KIAA1217: variants seen among roughly 807,000 people sequenced by gnomAD.
The protein encoded by KIAA1217 is sickle tail protein homolog.
A neutral mutation model predicts 163.9 loss-of-function variants in KIAA1217; 88 were observed. The observed-to-expected ratio is 0.54, with a 90% CI of 0.45 to 0.64. KIAA1217 has a LOEUF of 0.64. Among genes scored for constraint, KIAA1217 ranks in the 30% least tolerant of loss-of-function variants. The probability of loss-of-function intolerance (pLI) is 0.00; values close to 1 mark genes in which losing one functional copy is unlikely to be tolerated. For synonymous variants in KIAA1217, 903 were observed against 923.1 expected (o/e 0.98, Z 0.39); for missense variants, 2,372 against 2,475.0 (o/e 0.96, Z 0.88).
At position 24,546,484 on chromosome 10, in the gene KIAA1217, G is replaced by C. The variant is rs1294246809; in HGVS notation, c.*160G>C. On this transcript the variant is annotated 3_prime_UTR_variant, in exon 21 of 21. Transcript: ENST00000376454. ...GGATTAATAGATTTCAGTAAAGCTC[G>C]TTCGTTTTGTTTGGTTTTCTTTTTA... The C allele has an allele frequency of 6.1e-6, 5 of 817,476 alleles. No individual in the cohort carries two copies. Among genetic ancestry groups the C allele is most frequent in the Non-Finnish European group, 9.2e-6 (5 of 540,676 alleles). The allele number at this position is 817,476 out of a possible 1,614,324, so 50.6% of individuals were successfully genotyped here. A position where few individuals can be genotyped will look rare whatever the true frequency, so the allele number is the denominator to read the frequency against.
At chr10:23,708,013 G>A (rs1837000185) in intron 1 of KIAA1217, among the ~76,000 whole-genome samples, 1 of 152,158 alleles carries the variant, frequency 6.6e-6, no homozygotes, top group South Asian at 2.1e-4. Context: ...ACATACCTGA[G>A]ACTGGATAAT....
chr10:23,726,924 T>G (rs561185663), intron 1 of KIAA1217, among the ~76,000 whole-genome samples: 1 of 151,834 alleles, frequency 6.6e-6, no homozygotes, highest in African/African-American at 2.4e-5. Flanking sequence ...AATACTGCTA[T>G]GATAATTTTA....
At chr10:23,704,827 G>T (rs1371389387) in intron 1 of KIAA1217, among the ~76,000 whole-genome samples, 2 of 152,228 alleles carry the variant, frequency 1.3e-5, no homozygotes, top group Admixed American at 1.3e-4. Context: ...ACCCCTAGTA[G>T]TGGAGTTATT....
intron 1 of KIAA1217, among the ~76,000 whole-genome samples, chr10:23,855,387 G>T (rs1320281965): frequency 6.6e-6 from 1 of 152,186 alleles, no homozygotes; most frequent in African/African-American, 2.4e-5. Flanking sequence ...GAGATCCGCT[G>T]TTAGTCTGAT....
Position 24,433,305 on chromosome 10 carries a change from T to TTTTG in KIAA1217, c.752+115_752+116insGTTT, listed in dbSNP as rs2059750918. 4 of 729,376 alleles carry TTTTG rather than the reference T, an allele frequency of 5.5e-6. No individual in the cohort carries two copies. The East Asian group carries it at 1.1e-4, about 20-fold the overall frequency. The allele number at this position is 729,376 out of a possible 1,614,324, so 45.2% of individuals were successfully genotyped here. ...TACCCACTATATTGCATTTAGAGTG[T>TTTTG]TTTTTTGTTTTTTGTTTTTTGTTTT... is the stretch of plus-strand genomic sequence containing the variant. On this transcript the variant is annotated intron_variant, in intron 4 of 20. Transcript: ENST00000376454.
At chr10:24,415,687 C>CA (rs1349237789) in intron 3 of KIAA1217, among the ~76,000 whole-genome samples, 1 of 152,138 alleles carries the variant, frequency 6.6e-6, no homozygotes, top group African/African-American at 2.4e-5. Context: ...CACTCACACA[C>CA]AAGACTGTGA....
At chr10:24,506,443 T>C (rs2068372414) in intron 9 of KIAA1217, among the ~76,000 whole-genome samples, 1 of 152,208 alleles carries the variant, frequency 6.6e-6, no homozygotes, top group African/African-American at 2.4e-5. Context: ...ATGAAGTGAT[T>C]TGGATAACTT....
chr10:23,827,153 C>T (rs1837933952), intron 1 of KIAA1217, among the ~76,000 whole-genome samples: 1 of 152,158 alleles, frequency 6.6e-6, no homozygotes, highest in African/African-American at 2.4e-5. Flanking sequence ...TCGGAATCAC[C>T]TGTAGGGCTT....
intron 3 of KIAA1217, among the ~76,000 whole-genome samples, chr10:24,402,220 C>T (rs879510234): frequency 2.6e-5 from 4 of 151,960 alleles, no homozygotes; most frequent in Admixed American, 2.0e-4. Flanking sequence ...AAAAGGCAAA[C>T]GAGTGGTCAG....
intron 2 of KIAA1217, among the ~76,000 whole-genome samples, chr10:24,145,400 G>C (rs1179164914): frequency 6.6e-6 from 1 of 152,210 alleles, no homozygotes; most frequent in African/African-American, 2.4e-5. Flanking sequence ...GTACACACCT[G>C]TGCATATGGA....
chr10:24,421,005 G>C (rs1301227069), intron 3 of KIAA1217, among the ~76,000 whole-genome samples: 2 of 152,088 alleles, frequency 1.3e-5, no homozygotes, highest in African/African-American at 4.8e-5. Context: ...TTGTTTGTTT[G>C]TTTGTTTGTT....
intron 1 of KIAA1217, among the ~76,000 whole-genome samples, chr10:23,884,255 C>T (rs1841078681): frequency 6.6e-6 from 1 of 151,962 alleles, no homozygotes; most frequent in South Asian, 2.1e-4. Context: ...TATTGCTCCA[C>T]ATCCCCACCA....
intron 6 of KIAA1217, among the ~76,000 whole-genome samples, chr10:24,480,521 CTTGCTCTGCCTCCAT>C (rs1170408166): frequency 6.6e-6 from 1 of 152,174 alleles, no homozygotes; most frequent in African/African-American, 2.4e-5. Flanking sequence ...AGTACCGAAT[CTTGCTCTGCCTCCAT>C]TTGCTCAACT....
intron 2 of KIAA1217, among the ~76,000 whole-genome samples, chr10:24,244,901 C>T (rs572445881): frequency 6.6e-6 from 1 of 152,116 alleles, no homozygotes; most frequent in Non-Finnish European, 1.5e-5. Context: ...GATACTTTTA[C>T]TTCCTGACCA....
At chr10:24,209,412 A>G in intron 1 of KIAA1217, 149 bp downstream of exon 1, 1 of 618,146 alleles carries the variant, frequency 1.6e-6, no homozygotes. Context: ...CAAACTGAGT[A>G]GAGCATAGAG....
chr10:23,972,657 C>T (rs1845364938), intron 1 of KIAA1217, among the ~76,000 whole-genome samples: 1 of 149,146 alleles, frequency 6.7e-6, no homozygotes, highest in Non-Finnish European at 1.5e-5. Context: ...CACATGCACA[C>T]ATATGTTTAT....
intron 1 of KIAA1217, among the ~76,000 whole-genome samples, chr10:23,991,760 C>T (rs977205148): frequency 1.3e-5 from 2 of 152,154 alleles, no homozygotes; most frequent in East Asian, 1.9e-4. Context: ...CTAGGGAAGG[C>T]GATAACATGC....
chr10:24,351,163 G>C (rs1296948623), intron 2 of KIAA1217, among the ~76,000 whole-genome samples: 2 of 152,176 alleles, frequency 1.3e-5, no homozygotes, highest in African/African-American at 4.8e-5. Flanking sequence ...GGACAGGCTG[G>C]TCTAAAACTC....
At chr10:23,827,812 C>G (rs1367176980) in intron 1 of KIAA1217, among the ~76,000 whole-genome samples, 2 of 152,154 alleles carry the variant, frequency 1.3e-5, no homozygotes, top group African/African-American at 4.8e-5. Context: ...CATGCAAAGC[C>G]ATGACAACAA....
Sources: gnomAD v4.1 joint callset for allele counts (sites outside exome capture counted in the v4.1 genomes callset) on GRCh38, gnomAD v4.1.1 for gene constraint, MANE v1.5 for transcripts, NCBI Gene and HGNC (gene_info 2026-07-23, HGNC 2026-07-21) for gene names.